Variants in MAST4 observed in about 807,000 individuals in gnomAD.
The protein encoded by MAST4 is microtubule associated serine/threonine kinase family member 4, also known as microtubule-associated serine/threonine-protein kinase 4.
Under a neutral mutation model 162.7 loss-of-function variants are expected in MAST4, and 89 were observed. The ratio of observed to expected loss-of-function variants is 0.55; its 90% CI spans 0.46 to 0.65. The LOEUF is 0.65. Among genes scored for constraint, MAST4 ranks in the 30% least tolerant of loss-of-function variants. The pLI is 0.00. For missense variants in MAST4, 3,153 were observed against 3,374.0 expected (o/e 0.93, Z 1.62); for synonymous variants, 1,479 against 1,361.1 (o/e 1.09, Z -1.91).
At chr5:67,069,587 C>T (rs1043196688) in intron 5 of MAST4, among the ~76,000 whole-genome samples, 5 of 152,116 alleles carry the variant, frequency 3.3e-5, no homozygotes, top group African/African-American at 9.7e-5. Flanking sequence ...TGGATATGCA[C>T]TCCGCATTTC....
intron 1 of MAST4, among the ~76,000 whole-genome samples, chr5:66,687,922 G>A (rs946196186): frequency 2.0e-5 from 3 of 152,168 alleles, no homozygotes; most frequent in African/African-American, 7.2e-5. Context: ...TTTGTTTGAA[G>A]ATGATGTGGC....
Position 67,166,992 on chromosome 5 carries a change from G to T in MAST4, c.7813G>T (p.Val2605Leu). The change falls in exon 29 of 29, where the codon GTA (valine) becomes TTA (leucine). Residue 2605 changes from valine to leucine, a missense_variant. By Grantham distance (32) the Val-to-Leu change is conservative (BLOSUM62 1). Around this residue, in one of 7 missense-constraint regions of MAST4, gnomAD observed 1,644 missense variants for 1,495.0 expected, o/e 1.10. Coordinates refer to ENST00000403625, the MANE Select transcript of MAST4 (RefSeq NM_001164664.2). ...ISLSNEKDFV[V>L]RQRRGKESLR... ...TCTTTCTAATGAGAAGGACTTTGTG[G>T]TACGGCAGAGGCGGGGGAAAGAGAG... 1.9e-6 allele frequency: 3 copies of T among 1,610,178 alleles called. No homozygotes were observed. Among genetic ancestry groups the T allele is most frequent in the Non-Finnish European group, 2.5e-6 (3 of 1,178,786 alleles).
At position 67,152,878 on chromosome 5, in the gene MAST4, A is replaced by G. The variant is rs541054794; in HGVS notation, c.3525+12A>G. 20 of 1,599,602 alleles carry G rather than the reference A, an allele frequency of 1.3e-5. No homozygotes were observed. Among genetic ancestry groups the G allele is most frequent in the East Asian group, 2.2e-5 (1 of 44,626 alleles). ...ACCATATCGTCTGGGTAAGACCTGC[A>G]TGTCTCGCACTTGGGATTTTTCATT... On this transcript the variant is annotated intron_variant, in intron 25 of 28. Coordinates refer to ENST00000403625, the MANE Select transcript of MAST4 (RefSeq NM_001164664.2).
chr5:67,124,495 A>T (rs1003351183), intron 14 of MAST4, among the ~76,000 whole-genome samples: 1 of 152,168 alleles, frequency 6.6e-6, no homozygotes, highest in African/African-American at 2.4e-5. Context: ...TATGTGAGAG[A>T]CAACAATTAT....
Position 67,165,536 on chromosome 5 carries a change from T to C in MAST4, c.6357T>C (p.Pro2119=), listed in dbSNP as rs1773794336. 3 of 1,613,810 alleles carry C rather than the reference T, an allele frequency of 1.9e-6. No individual in the cohort carries two copies. Among genetic ancestry groups the C allele is most frequent in the Admixed American group, 1.7e-5 (1 of 60,004 alleles). The change falls in exon 29 of 29, where the codon CCT becomes CCC. Residue 2119 remains proline (P), a synonymous_variant. Transcript: ENST00000403625. ...TGCAGAAAGATGGTGCCAAGGAACC[T>C]GAAAGGAAGGAGCAGCCTCTACAAA... The part of the protein sequence containing the change: ...PSLQKDGAKE[P]ERKEQPLQRH...
At chr5:66,829,801 G>A (rs1757477724) in intron 3 of MAST4, among the ~76,000 whole-genome samples, 1 of 151,812 alleles carries the variant, frequency 6.6e-6, no homozygotes, top group South Asian at 2.1e-4. Context: ...CTAGCTGTCT[G>A]CTTTTTGTTC....
chr5:66,837,905 T>A lies in MAST4; in HGVS notation c.642+49111T>A, dbSNP rs1339397687. On this transcript the variant is annotated intron_variant, in intron 3 of 28. Coordinates refer to ENST00000403625, the MANE Select transcript of MAST4 (RefSeq NM_001164664.2). The stretch of plus-strand genomic sequence containing the variant: ...ATATATATATATATATTTTTTTTTT[T>A]TTTTTTTTTTTTAATGTGGAGGTGT... Among the ~76,000 whole-genome samples the A allele has an allele frequency of 6.2e-3, 353 of 56,968 alleles. 1 individual carries two copies. The highest frequency in any genetic ancestry group is 0.016 in the African/African-American group (329 of 20,264). 37.4% of individuals were successfully genotyped at this position (56,968 alleles called of 152,430 possible). A position where few individuals can be genotyped will look rare whatever the true frequency, so the allele number is the denominator to read the frequency against.
chr5:67,166,943 C>G lies in MAST4; in HGVS notation c.7764C>G (p.Ala2588=). ...VGRDVTKPSP[A]PNTDRPISLS... The stretch of plus-strand genomic sequence containing the variant: ...GAGACGTGACCAAGCCATCCCCAGC[C>G]CCAAACACTGACCGCCCCATCTCTC... Residue 2588 remains alanine (A), a synonymous_variant, in exon 29 of 29, where the codon GCC becomes GCG. Coordinates refer to ENST00000403625, the MANE Select transcript of MAST4 (RefSeq NM_001164664.2). The G allele has an allele frequency of 6.2e-7, 1 of 1,612,436 alleles. No individual in the cohort carries two copies. The highest frequency in any genetic ancestry group is 1.1e-5 in the South Asian group (1 of 90,814).
intron 4 of MAST4, among the ~76,000 whole-genome samples, chr5:66,903,411 A>G (rs777368508): frequency 4.6e-4 from 70 of 151,336 alleles, no homozygotes; most frequent in Non-Finnish European, 7.7e-4. Flanking sequence ...TTGAATAACA[A>G]TGATGTAAAC....
chr5:66,902,954 A>G (rs1415816973), intron 4 of MAST4, among the ~76,000 whole-genome samples: 2 of 152,186 alleles, frequency 1.3e-5, no homozygotes, highest in African/African-American at 2.4e-5. Flanking sequence ...TGATATAGTC[A>G]GATAATGAAA....
chr5:66,597,509 G>T (rs1268213773), intron 1 of MAST4, among the ~76,000 whole-genome samples: 1 of 149,946 alleles, frequency 6.7e-6, no homozygotes, highest in Non-Finnish European at 1.5e-5. Context: ...TTTCAGTGGC[G>T]CCAGCCCCCT....
intron 6 of MAST4, among the ~76,000 whole-genome samples, chr5:67,092,208 A>C (rs1763940795): frequency 6.6e-6 from 1 of 152,206 alleles, no homozygotes; most frequent in Non-Finnish European, 1.5e-5. Context: ...CAATTGAGGA[A>C]ATATTGCTCT....
intron 2 of MAST4, among the ~76,000 whole-genome samples, chr5:66,779,137 C>T (rs1189142838): frequency 6.6e-6 from 1 of 152,192 alleles, no homozygotes; most frequent in Non-Finnish European, 1.5e-5. Flanking sequence ...TGAAATTGGG[C>T]ATCTCTGGTG....
chr5:66,709,436 C>T (rs903026569), intron 1 of MAST4, among the ~76,000 whole-genome samples: 2 of 152,112 alleles, frequency 1.3e-5, no homozygotes, highest in Non-Finnish European at 2.9e-5. Context: ...CTGACTCAGC[C>T]TCCCAACTAG....
intron 3 of MAST4, among the ~76,000 whole-genome samples, chr5:66,855,414 G>A (rs74885130): frequency 0.1 from 15,804 of 152,178 alleles, 1,069 homozygotes; most frequent in Admixed American, 0.15. Context: ...CTTCTTTATA[G>A]CAATGGAAGA....
At chr5:67,069,886 G>GTGTGTGTA (rs1760731595) in intron 5 of MAST4, among the ~76,000 whole-genome samples, 2 of 147,890 alleles carry the variant, frequency 1.4e-5, no homozygotes, top group African/African-American at 2.6e-5. Context: ...GAGAAAGTGT[G>GTGTGTGTA]TGTGTGTGTG....
chr5:66,783,194 G>A (rs528903286), intron 2 of MAST4: 1 of 152,218 alleles, frequency 6.6e-6, no homozygotes, highest in East Asian at 1.9e-4. Flanking sequence ...GTATGTAAGT[G>A]CTTCCTAATT....
chr5:66,848,359 T>C (rs955636255), intron 3 of MAST4, among the ~76,000 whole-genome samples: 1 of 152,160 alleles, frequency 6.6e-6, no homozygotes, highest in East Asian at 1.9e-4. Flanking sequence ...TCAGTAACAT[T>C]TGTCATAAAA....
chr5:67,159,139 T>C (rs1275094924), intron 26 of MAST4, among the ~76,000 whole-genome samples: 1 of 152,236 alleles, frequency 6.6e-6, no homozygotes, highest in Non-Finnish European at 1.5e-5. Flanking sequence ...ATCATGTTTT[T>C]AAAGATTATT....
Sources: allele counts gnomAD v4.1 joint callset (sites outside exome capture counted in the v4.1 genomes callset), GRCh38; gene constraint gnomAD v4.1.1; regional missense constraint gnomAD v4.1.1; transcripts MANE v1.5; gene names NCBI Gene and HGNC (gene_info 2026-07-23, HGNC 2026-07-21).